The following API5 variants were observed in gnomAD, a reference collection of about 807,000 sequenced individuals.
The protein encoded by API5 is apoptosis inhibitor 5, also known as FIF.
In API5, 6 loss-of-function variants were observed where a neutral mutation model predicts 71.9. The ratio of observed to expected loss-of-function variants is 0.08; its 90% confidence interval spans 0.05 to 0.16. API5 has a LOEUF of 0.16. API5 is among the 10% of genes least tolerant of loss of function. API5 has a pLI of 1.00. For missense variants in API5, 332 were observed against 612.8 expected, an observed-to-expected ratio of 0.54 and a Z score of 4.84; for synonymous variants, 189 against 221.3, an observed-to-expected ratio of 0.85 and a Z score of 1.30.
At chr11:43,323,957 T>G (rs1390293493) in intron 6 of API5, among the ~76,000 whole-genome samples, 2 of 152,188 alleles carry the variant, frequency 1.3e-5, no homozygotes, top group African/African-American at 4.8e-5. Context: ...GGTCTGTGTT[T>G]ATGAAGGCCA....
chr11:43,327,206 C>T (rs527647752), intron 7 of API5, among the ~76,000 whole-genome samples: 1 of 152,312 alleles, frequency 6.6e-6, no homozygotes, highest in Admixed American at 6.5e-5. Flanking sequence ...AGAGAAGAAT[C>T]TCACTGTGCA....
In API5 at chr11:43,312,110, C is replaced by T. The variant is rs1487013677; in HGVS notation, c.-18C>T. The T allele has an allele frequency of 1.9e-6, 3 of 1,613,374 alleles. No individual in the cohort carries two copies. Among genetic ancestry groups the T allele is most frequent in the Non-Finnish European group, 2.5e-6 (3 of 1,179,874 alleles). On this transcript the variant is annotated 5_prime_UTR_variant, in exon 1 of 14. Transcript: ENST00000531273. ...AGGACAAGGATAGCGGAACCGGGCC[C>T]TGGGCTTGTCGCTCACCATGCCGAC...
At chr11:43,332,753 G>T (rs1474559969) in intron 11 of API5, among the ~76,000 whole-genome samples, 1 of 152,094 alleles carries the variant, frequency 6.6e-6, no homozygotes, top group African/African-American at 2.4e-5. Context: ...AGGCATGATT[G>T]ATTAAATCAT....
At chr11:43,330,707 A>G in intron 11 of API5, 143 bp downstream of exon 11, 1 of 659,766 alleles carries the variant, frequency 1.5e-6, no homozygotes, top group East Asian at 2.8e-5. Flanking sequence ...AGATAGATAC[A>G]GTCTCAGAAA....
At chr11:43,339,973 A>G (rs1162941028) in intron 13 of API5, among the ~76,000 whole-genome samples, 1 of 152,186 alleles carries the variant, frequency 6.6e-6, no homozygotes, top group African/African-American at 2.4e-5. Context: ...AATAAAGGGC[A>G]TCCAAACTAG....
chr11:43,334,529 G>A (rs896180681), intron 11 of API5, among the ~76,000 whole-genome samples: 1 of 152,078 alleles, frequency 6.6e-6, no homozygotes, highest in African/African-American at 2.4e-5. Flanking sequence ...TGGGAGAAAA[G>A]TTTACTTTTA....
At position 43,327,806 on chromosome 11, in the gene API5, G is replaced by A. The variant is rs764167463; in HGVS notation, c.873G>A (p.Ala291=). 1.2e-5 allele frequency: 20 copies of A among 1,611,360 alleles called. No homozygotes were observed. Among genetic ancestry groups the A allele is most frequent in the Middle Eastern group, 3.6e-4 (2 of 5,522 alleles). The change falls in exon 8 of 14, where the codon GCG becomes GCA. Residue 291 remains alanine (A), a synonymous_variant. Transcript: ENST00000531273. ...TGTTTTAGGTATTGAAATTGTTGGC[G>A]GAGATGAGTTCATTTTGTGGTGACA... is the stretch of plus-strand genomic sequence containing the variant. The part of the protein sequence containing the change: ...DIQLEVLKLL[A]EMSSFCGDME...
chr11:43,335,890 G>A lies in API5; in HGVS notation c.1388G>A (p.Gly463Asp), dbSNP rs768894583. The part of the protein sequence containing the change: ...QKRASEDTTS[G>D]SPPKKSSAGP... ...AGAGCCAGTGAAGATACAACTTCAG[G>A]TTCACCACCCAAGAAATCTTCAGCA... Residue 463 changes from glycine to aspartate, a missense_variant, in exon 13 of 14, where the codon GGT becomes GAT. Around this residue, in one of 3 missense-constraint regions of API5, gnomAD observed 168 missense variants for 343.9 expected, o/e 0.49. Coordinates refer to ENST00000531273, the MANE Select transcript of API5 (RefSeq NM_001142930.2). 38 of 1,612,760 alleles carry A rather than the reference G, an allele frequency of 2.4e-5. No individual in the cohort carries two copies. In the East Asian group the frequency reaches 6.7e-4, roughly 28 times the overall value.
intron 1 of API5, among the ~76,000 whole-genome samples, chr11:43,313,644 C>A (rs1025341142): frequency 2.0e-5 from 3 of 151,962 alleles, no homozygotes; most frequent in African/African-American, 7.3e-5. Context: ...TAAGAATATA[C>A]CAGTTTGAAA....
intron 4 of API5, 88 bp from the exon 5 acceptor site, chr11:43,321,892 TATTTG>T (rs563928987): frequency 9.2e-5 from 118 of 1,288,262 alleles, no homozygotes; most frequent in Non-Finnish European, 1.2e-4. Flanking sequence ...TTCATTAACT[TATTTG>T]AGAAGAAATA....
At chr11:43,314,389 T>C (rs919481245) in intron 1 of API5, among the ~76,000 whole-genome samples, 17 of 152,210 alleles carry the variant, frequency 1.1e-4, no homozygotes, top group Non-Finnish European at 1.9e-4. Flanking sequence ...TTGCATTTCC[T>C]TCTCATGTCA....
intron 6 of API5, among the ~76,000 whole-genome samples, chr11:43,324,039 A>G (rs1240276998): frequency 6.6e-6 from 1 of 152,064 alleles, no homozygotes; most frequent in African/African-American, 2.4e-5. Context: ...TTCCTTTGAG[A>G]CAGAGTCTTG....
intron 5 of API5, among the ~76,000 whole-genome samples, chr11:43,322,403 C>T (rs1397588084): frequency 6.6e-6 from 1 of 152,140 alleles, no homozygotes; most frequent in East Asian, 1.9e-4. Flanking sequence ...GCAACCTCTG[C>T]AAATCACCTC....
chr11:43,341,078 GCAAAA>G (rs958949278), intron 13 of API5, among the ~76,000 whole-genome samples: 2 of 152,108 alleles, frequency 1.3e-5, no homozygotes, highest in Non-Finnish European at 2.9e-5. Context: ...CATCTTAATA[GCAAAA>G]CAAATCTAGA....
intron 11 of API5, among the ~76,000 whole-genome samples, chr11:43,333,013 G>A (rs1855309952): frequency 1.3e-5 from 2 of 152,114 alleles, no homozygotes; most frequent in Non-Finnish European, 2.9e-5. Flanking sequence ...GAACTTTTCA[G>A]GAAACAGTAA....
At position 43,335,848 on chromosome 11, in the gene API5, A is replaced by ATTG; in HGVS notation, c.1356-7_1356-5dup. The ATTG allele has an allele frequency of 6.3e-7, 1 of 1,594,322 alleles. No homozygotes were observed. Reference sequence around the variant, plus strand: ...ATGTTTTTGAATTGCTCTTCTTCCTATTGTTACAGGCAAAAGAGAGCCAGT... The same window carrying ATTG: ...ATGTTTTTGAATTGCTCTTCTTCCTATTGTTGTTACAGGCAAAAGAGAGCCAGT... On this transcript the variant is annotated splice_polypyrimidine_tract_variant and intron_variant, in intron 12 of 13. Coordinates refer to ENST00000531273, the MANE Select transcript of API5 (RefSeq NM_001142930.2).
chr11:43,340,315 A>C (rs1249437756), intron 13 of API5: 1 of 216,576 alleles, frequency 4.6e-6, no homozygotes, highest in Non-Finnish European at 9.4e-6. Context: ...CTCCGTACTC[A>C]TGGATTAGAG....
rs1047683005 is a variant in API5, at chr11:43,343,985, T to A, written c.*1475T>A. 2 of 152,628 alleles carry A rather than the reference T, an allele frequency of 1.3e-5. No homozygotes were observed. The highest frequency in any genetic ancestry group is 2.9e-5 in the Non-Finnish European group (2 of 68,036). 9.5% of individuals were successfully genotyped at this position (152,628 alleles called of 1,614,324 possible). A position where few individuals can be genotyped will look rare whatever the true frequency, so the allele number is the denominator to read the frequency against. On this transcript the variant is annotated 3_prime_UTR_variant, in exon 14 of 14. Coordinates refer to ENST00000531273, the MANE Select transcript of API5 (RefSeq NM_001142930.2). ...CTGCACATGTGTATGGGGAAAATAG[T>A]TCTGAAAGGCTAGAATGATACAAGT... is the stretch of plus-strand genomic sequence containing the variant.
At chr11:43,332,186 C>G (rs72898975) in intron 11 of API5, 2 of 152,286 alleles carry the variant, frequency 1.3e-5, no homozygotes, top group African/African-American at 4.8e-5. Flanking sequence ...TCCTGCTATA[C>G]TCTCACAGTG....
Sources: allele counts gnomAD v4.1 joint callset (sites outside exome capture counted in the v4.1 genomes callset), GRCh38; gene constraint gnomAD v4.1.1; regional missense constraint gnomAD v4.1.1; transcripts MANE v1.5; gene names NCBI Gene and HGNC (gene_info 2026-07-23, HGNC 2026-07-21).